ABCA1: variants seen among roughly 807,000 people sequenced by gnomAD.
ABCA1 encodes phospholipid-transporting ATPase ABCA1.
Under a neutral mutation model 262.5 loss-of-function variants are expected in ABCA1, and 133 were observed. The observed-to-expected ratio is 0.51, with a 90% CI of 0.44 to 0.59. The LOEUF is 0.59. Ranked by LOEUF, ABCA1 falls within the 20% of genes least tolerant of loss-of-function variation. The pLI, the probability that ABCA1 is intolerant of heterozygous loss-of-function variation, is 0.00. For missense variants in ABCA1, 2,452 were observed against 2,777.5 expected (o/e 0.88, Z 2.63); for synonymous variants, 1,022 against 1,043.5 (o/e 0.98, Z 0.40).
chr9:104,854,526 G>T (rs796471918), intron 7 of ABCA1, among the ~76,000 whole-genome samples: 1 of 152,084 alleles, frequency 6.6e-6, no homozygotes, highest in Non-Finnish European at 1.5e-5. Flanking sequence ...CACTACTATG[G>T]CTCCTTCCTG....
chr9:104,906,411 T>C lies in ABCA1; in HGVS notation c.-92-2640A>G, dbSNP rs138784260. Among the ~76,000 whole-genome samples, 92 of 152,260 alleles carry C rather than the reference T, an allele frequency of 6.0e-4. 1 individual carries two copies. Among genetic ancestry groups the C allele is most frequent in the African/African-American group, 2.2e-3 (90 of 41,528 alleles). On this transcript the variant is annotated intron_variant, in intron 1 of 49. Coordinates refer to ENST00000374736, the MANE Select transcript of ABCA1 (RefSeq NM_005502.4). ...AGCATTTTCTTGGAAGTAAAGTGTCTGGGTTTCAAGAAAAAGGTTCTGACT... is the reference window on the plus strand; with the variant it reads ...AGCATTTTCTTGGAAGTAAAGTGTCCGGGTTTCAAGAAAAAGGTTCTGACT...
chr9:104,879,895 G>C (rs1161530537), intron 5 of ABCA1, among the ~76,000 whole-genome samples: 2 of 152,058 alleles, frequency 1.3e-5, no homozygotes, highest in African/African-American at 4.8e-5. Flanking sequence ...GAAATGGGGA[G>C]GAAAAACATT....
intron 5 of ABCA1, among the ~76,000 whole-genome samples, chr9:104,873,374 T>C (rs1837811074): frequency 6.6e-6 from 1 of 152,142 alleles, no homozygotes; most frequent in African/African-American, 2.4e-5. Context: ...AAATGAGAAG[T>C]GGCTGTGAGT....
rs1271658137 is a variant in ABCA1, at chr9:104,783,822, A to G, written c.*493T>C. 6.1e-6 allele frequency: 1 copy of G among 164,064 alleles called. No homozygotes were observed. The highest frequency in any genetic ancestry group is 1.7e-4 in the East Asian group (1 of 5,818). 10.2% of individuals were successfully genotyped at this position (164,064 alleles called of 1,614,324 possible). ...CTTTCTGAAAAACTTGGCACTAATAACTCTGGCACACTCATTGCCAGCAAT... is the reference window on the plus strand; with the variant it reads ...CTTTCTGAAAAACTTGGCACTAATAGCTCTGGCACACTCATTGCCAGCAAT... On this transcript the variant is annotated 3_prime_UTR_variant, in exon 50 of 50. Coordinates refer to ENST00000374736, the MANE Select transcript of ABCA1 (RefSeq NM_005502.4).
At chr9:104,901,769 T>TG (rs1385102072) in intron 2 of ABCA1, among the ~76,000 whole-genome samples, 1 of 152,198 alleles carries the variant, frequency 6.6e-6, no homozygotes, top group Non-Finnish European at 1.5e-5. Flanking sequence ...ACCCTACCTG[T>TG]GCTCCTTGTT....
chr9:104,819,529 C>T, intron 22 of ABCA1, 57 bp downstream of exon 22: 8 of 1,612,106 alleles, frequency 5.0e-6, no homozygotes, highest in Non-Finnish European at 6.8e-6. Context: ...CCACACTTCT[C>T]AAAAGCCCCC....
chr9:104,822,791 A>C, intron 18 of ABCA1, 124 bp from the exon 19 acceptor site: 3 of 1,095,698 alleles, frequency 2.7e-6, no homozygotes, highest in Non-Finnish European at 4.1e-6. Flanking sequence ...CTGGTTTCTC[A>C]GGCAGGCAGG....
intron 29 of ABCA1, 111 bp downstream of exon 29, chr9:104,810,689 C>T: frequency 6.5e-7 from 1 of 1,543,622 alleles, no homozygotes; most frequent in Non-Finnish European, 8.9e-7. Context: ...TGAGCCGCAG[C>T]AGTAAAATTC....
intron 6 of ABCA1, 103 bp from the exon 7 acceptor site, chr9:104,858,801 G>C: frequency 8.4e-7 from 1 of 1,191,174 alleles, no homozygotes; most frequent in Non-Finnish European, 1.2e-6. Context: ...ATACAGCTTT[G>C]AAGATCTTAA....
intron 18 of ABCA1, among the ~76,000 whole-genome samples, chr9:104,823,997 C>T (rs950184214): frequency 2.0e-5 from 3 of 152,160 alleles, no homozygotes; most frequent in Non-Finnish European, 2.9e-5. Flanking sequence ...AGTTAAGAGC[C>T]AAGAGAGGAT....
chr9:104,906,708 T>G (rs1841169624), intron 1 of ABCA1, among the ~76,000 whole-genome samples: 1 of 146,184 alleles, frequency 6.8e-6, no homozygotes, highest in South Asian at 2.2e-4. Flanking sequence ...AAGGGACATT[T>G]CCACATCAGT....
intron 3 of ABCA1, 45 bp from the exon 4 acceptor site, chr9:104,884,613 T>C (rs780512040): frequency 7.4e-6 from 12 of 1,611,622 alleles, no homozygotes; most frequent in Non-Finnish European, 9.3e-6. Context: ...AAACATTAAT[T>C]CCCTGAAGCG....
At chr9:104,794,038 G>C (rs1016474828) in intron 40 of ABCA1, among the ~76,000 whole-genome samples, 5 of 152,196 alleles carry the variant, frequency 3.3e-5, no homozygotes, top group African/African-American at 1.2e-4. Flanking sequence ...CTTTCCTTCT[G>C]ATTCCCTGAT....
At chr9:104,850,246 C>T (rs1349689982) in intron 7 of ABCA1, among the ~76,000 whole-genome samples, 2 of 152,176 alleles carry the variant, frequency 1.3e-5, no homozygotes, top group African/African-American at 4.8e-5. Flanking sequence ...CTCAGTCTCT[C>T]ACGTAGCTGG....
At chr9:104,863,348 A>T (rs780327291) in intron 5 of ABCA1, among the ~76,000 whole-genome samples, 1 of 152,186 alleles carries the variant, frequency 6.6e-6, no homozygotes, top group Admixed American at 6.5e-5. Flanking sequence ...ACTTCTTTGT[A>T]ATAAAGATAA....
intron 43 of ABCA1, 36 bp from the exon 44 acceptor site, chr9:104,791,064 T>C: frequency 6.8e-7 from 1 of 1,477,786 alleles, no homozygotes; most frequent in African/African-American, 1.4e-5. Flanking sequence ...AAGCAAACTC[T>C]AAAAACATGA....
intron 3 of ABCA1, among the ~76,000 whole-genome samples, chr9:104,885,438 C>T (rs1377391890): frequency 2.0e-5 from 3 of 152,022 alleles, no homozygotes; most frequent in African/African-American, 4.8e-5. Flanking sequence ...GTCAGTTTCA[C>T]CTCCTCTGCC....
chr9:104,881,578 GA>G (rs1339713893), intron 5 of ABCA1, among the ~76,000 whole-genome samples: 1 of 152,172 alleles, frequency 6.6e-6, no homozygotes, highest in African/African-American at 2.4e-5. Flanking sequence ...AGAAGTGGCT[GA>G]AAGGGTGCTA....
At chr9:104,809,824 C>T (rs1214524402) in intron 29 of ABCA1, among the ~76,000 whole-genome samples, 2 of 151,976 alleles carry the variant, frequency 1.3e-5, no homozygotes, top group East Asian at 3.9e-4. Context: ...TGTGTACACA[C>T]ATGTACATAC....
Sources: gnomAD v4.1 joint callset for allele counts (sites outside exome capture counted in the v4.1 genomes callset) on GRCh38, gnomAD v4.1.1 for gene constraint, MANE v1.5 for transcripts, NCBI Gene and HGNC (gene_info 2026-07-23, HGNC 2026-07-21) for gene names.